Variants in NUSAP1 observed in about 807,000 individuals in gnomAD.
The protein encoded by NUSAP1 is nucleolar and spindle associated protein 1.
In NUSAP1, 32 loss-of-function variants were observed where a neutral mutation model predicts 52.8. The observed-to-expected ratio is 0.61, with a 90% CI of 0.46 to 0.81. The LOEUF is 0.81. Ranked by LOEUF, NUSAP1 falls within the 40% of genes least tolerant of loss-of-function variation. The pLI is 0.00. For missense variants in NUSAP1, 499 were observed against 522.3 expected, an observed-to-expected ratio of 0.96 and a Z score of 0.43; for synonymous variants, 195 against 183.1, an observed-to-expected ratio of 1.06 and a Z score of -0.52.
intron 5 of NUSAP1, 55 bp downstream of exon 5, chr15:41,356,195 T>C (rs2048964202): frequency 3.1e-6 from 3 of 967,970 alleles, no homozygotes; most frequent in Non-Finnish European, 3.2e-6. Context: ...TTCGGAATGA[T>C]GTTGGACTGT....
chr15:41,364,016 G>A (rs1292828097), intron 6 of NUSAP1, among the ~76,000 whole-genome samples: 1 of 151,640 alleles, frequency 6.6e-6, no homozygotes, highest in Non-Finnish European at 1.5e-5. Flanking sequence ...TGTTTTTGTA[G>A]AGACAAGATC....
At chr15:41,348,191 G>A (rs941525925) in intron 2 of NUSAP1, among the ~76,000 whole-genome samples, 5 of 152,124 alleles carry the variant, frequency 3.3e-5, no homozygotes, top group African/African-American at 1.2e-4. Flanking sequence ...TATAACTCCT[G>A]GCTTAGCCTC....
In NUSAP1 at chr15:41,350,961, T is replaced by C. The variant is rs372347241; in HGVS notation, c.307-27T>C. The C allele has an allele frequency of 8.2e-6, 13 of 1,576,408 alleles. No individual in the cohort carries two copies. In the African/African-American group the frequency reaches 1.8e-4, roughly 21 times the overall value. ...CAGCAATTCTTATTTATCATCGAAATCTTTTATTTCCTTTTTAAATTTGTA... is the reference window on the plus strand; with the variant it reads ...CAGCAATTCTTATTTATCATCGAAACCTTTTATTTCCTTTTTAAATTTGTA... On this transcript the variant is annotated intron_variant, in intron 3 of 10. Transcript: ENST00000559596.
intron 2 of NUSAP1, among the ~76,000 whole-genome samples, chr15:41,346,292 A>C (rs538545501): frequency 1.6e-4 from 24 of 151,518 alleles, no homozygotes; most frequent in African/African-American, 5.6e-4. Context: ...GATATATTTT[A>C]TATTTTTTTA....
At chr15:41,337,930 T>TA (rs1458827896) in intron 1 of NUSAP1, among the ~76,000 whole-genome samples, 5 of 140,484 alleles carry the variant, frequency 3.6e-5, no homozygotes, top group African/African-American at 1.4e-4. Flanking sequence ...TTTTCTTTTT[T>TA]CTTTTTTTTT....
intron 7 of NUSAP1, among the ~76,000 whole-genome samples, chr15:41,370,077 G>GAAGA (rs1298287695): frequency 2.0e-5 from 3 of 148,712 alleles, no homozygotes; most frequent in South Asian, 4.2e-4. Context: ...TCCAAAAAAA[G>GAAGA]AAGAAAGAAA....
rs535069653 is a variant in NUSAP1, at chr15:41,377,230, T to A, written c.1158T>A (p.Asn386Lys). The stretch of plus-strand genomic sequence containing the variant: ...AACCATGGGGGCAATCTAAAGAAAA[T>A]AATTATCTAAATCAACATGTCAACA... Reference protein sequence around the residue: ...KLKPWGQSKENNYLNQHVNRI... With the variant: ...KLKPWGQSKEKNYLNQHVNRI... The change falls in exon 10 of 11, where the codon AAT (asparagine) becomes AAA (lysine). Residue 386 changes from asparagine to lysine, a missense_variant. By Grantham distance (94) the Asn-to-Lys change is moderately conservative. Coordinates refer to ENST00000559596, the MANE Select transcript of NUSAP1 (RefSeq NM_016359.5). 4.2e-5 allele frequency: 65 copies of A among 1,536,564 alleles called. No individual in the cohort carries two copies. The Middle Eastern group carries it at 8.5e-4, about 20-fold the overall frequency.
intron 1 of NUSAP1, among the ~76,000 whole-genome samples, chr15:41,341,669 C>G (rs2048371896): frequency 6.6e-6 from 1 of 152,210 alleles, no homozygotes; most frequent in Non-Finnish European, 1.5e-5. Context: ...ATCCATACTG[C>G]CTTAGCCCCG....
chr15:41,360,269 C>T (rs148074733), intron 6 of NUSAP1, among the ~76,000 whole-genome samples: 1,740 of 151,060 alleles, frequency 0.012, 39 homozygotes, highest in African/African-American at 0.04. Flanking sequence ...CTCCCAAGTA[C>T]CTGGGATTAC....
At chr15:41,362,462 G>C (rs961845354) in intron 6 of NUSAP1, among the ~76,000 whole-genome samples, 23 of 146,850 alleles carry the variant, frequency 1.6e-4, no homozygotes, top group African/African-American at 5.6e-4. Context: ...CTGTCACCCA[G>C]GCTGGAGTGC....
At chr15:41,365,748 T>C in intron 7 of NUSAP1, 159 bp downstream of exon 7, 4 of 407,410 alleles carry the variant, frequency 9.8e-6, no homozygotes, top group Non-Finnish European at 1.6e-5. Flanking sequence ...TGAGATGAGG[T>C]CTCGCTCTGT....
chr15:41,368,251 C>G (rs951466226), intron 7 of NUSAP1, among the ~76,000 whole-genome samples: 14 of 152,226 alleles, frequency 9.2e-5, no homozygotes, highest in Admixed American at 7.2e-4. Flanking sequence ...CTCCTGGCCT[C>G]AAGCGATCCT....
intron 1 of NUSAP1, among the ~76,000 whole-genome samples, chr15:41,338,722 G>A (rs752740104): frequency 3.5e-4 from 54 of 152,140 alleles, no homozygotes; most frequent in Non-Finnish European, 6.5e-4. Context: ...TTGAGAGGCC[G>A]TGGTGGGTGG....
At chr15:41,377,105 G>A in intron 9 of NUSAP1, 91 bp from the exon 10 acceptor site, 1 of 679,474 alleles carries the variant, frequency 1.5e-6, no homozygotes, top group Non-Finnish European at 2.5e-6. Flanking sequence ...TATAAATGTT[G>A]ATAGCAGGTA....
intron 7 of NUSAP1, among the ~76,000 whole-genome samples, chr15:41,370,148 G>A (rs1040999018): frequency 1.2e-4 from 18 of 151,962 alleles, no homozygotes; most frequent in South Asian, 1.0e-3. Flanking sequence ...TTGGGAGGCC[G>A]AGACGGGCGG....
intron 2 of NUSAP1, among the ~76,000 whole-genome samples, chr15:41,348,406 G>A (rs1450586220): frequency 6.6e-6 from 1 of 152,028 alleles, no homozygotes; most frequent in East Asian, 1.9e-4. Context: ...TTTAAGTAGA[G>A]ATGGGGTTTT....
intron 6 of NUSAP1, among the ~76,000 whole-genome samples, chr15:41,363,585 C>A (rs1019401317): frequency 1.3e-5 from 2 of 152,028 alleles, no homozygotes; most frequent in African/African-American, 4.8e-5. Flanking sequence ...GTTGTCCAGG[C>A]TGGTCTCAAA....
In NUSAP1 at chr15:41,339,243, G is replaced by A. The variant is rs1450896850; in HGVS notation, c.94-3143G>A. On this transcript the variant is annotated intron_variant, in intron 1 of 10. Coordinates refer to ENST00000559596, the MANE Select transcript of NUSAP1 (RefSeq NM_016359.5). The stretch of plus-strand genomic sequence containing the variant: ...GTGGGGAAATCTCTTATTTTTAGGA[G>A]ATGTGGCTGATATATTTAGTGGTAA... Among the ~76,000 whole-genome samples the A allele has an allele frequency of 7.2e-5, 11 of 152,104 alleles. No homozygotes were observed. In the South Asian group the frequency reaches 2.3e-3, roughly 31 times the overall value.
At chr15:41,371,416 A>T in intron 7 of NUSAP1, 111 bp from the exon 8 acceptor site, 1 of 824,098 alleles carries the variant, frequency 1.2e-6, no homozygotes, top group Non-Finnish European at 1.8e-6. Flanking sequence ...GACAATTATT[A>T]ATTGAGGCCC....
Sources: allele counts gnomAD v4.1 joint callset (sites outside exome capture counted in the v4.1 genomes callset), GRCh38; gene constraint gnomAD v4.1.1; transcripts MANE v1.5; gene names NCBI Gene and HGNC (gene_info 2026-07-23, HGNC 2026-07-21).